Variants in CTNND2 observed in about 807,000 individuals in gnomAD.
CTNND2 encodes catenin delta 2, also known as catenin delta-2.
In CTNND2, 22 loss-of-function variants were observed where a neutral mutation model predicts 144.4. That is an observed-to-expected ratio of 0.15 (90% CI 0.11 to 0.22). The LOEUF is 0.22. CTNND2 is among the 10% of genes least tolerant of loss of function. The probability of loss-of-function intolerance (pLI) is 1.00; values close to 1 mark genes in which losing one functional copy is unlikely to be tolerated. For missense variants in CTNND2, 1,353 were observed against 1,618.8 expected (o/e 0.84, Z 2.82); for synonymous variants, 751 against 695.6 (o/e 1.08, Z -1.25).
intron 6 of CTNND2, among the ~76,000 whole-genome samples, chr5:11,386,397 A>G (rs1759092916): frequency 6.6e-6 from 1 of 152,188 alleles, no homozygotes; most frequent in Non-Finnish European, 1.5e-5. Flanking sequence ...AAAAGTTTCA[A>G]TTATGCCTCT....
chr5:11,691,707 C>A (rs189291550), intron 2 of CTNND2, among the ~76,000 whole-genome samples: 3 of 152,020 alleles, frequency 2.0e-5, no homozygotes, highest in Non-Finnish European at 4.4e-5. Flanking sequence ...GAGTTTAAGA[C>A]CAGCCCTGGC....
intron 3 of CTNND2, among the ~76,000 whole-genome samples, chr5:11,428,974 CCTTAA>C (rs58133792): frequency 0.012 from 1,838 of 152,186 alleles, 20 homozygotes; most frequent in Middle Eastern, 0.02. Flanking sequence ...AACAATGAAA[CCTTAA>C]CTTATATTTT....
intron 10 of CTNND2, among the ~76,000 whole-genome samples, chr5:11,226,172 G>A (rs893315162): frequency 2.6e-5 from 4 of 152,134 alleles, no homozygotes; most frequent in African/African-American, 7.2e-5. Flanking sequence ...GTGGCACTTG[G>A]TTCCCACAGC....
intron 1 of CTNND2, among the ~76,000 whole-genome samples, chr5:11,773,574 G>C (rs543017530): frequency 2.0e-5 from 3 of 152,296 alleles, no homozygotes; most frequent in South Asian, 2.1e-4. Flanking sequence ...AGTACACTGG[G>C]AGGCTAAGGC....
chr5:11,748,185 A>AAAAGAAT (rs6148910), intron 1 of CTNND2, among the ~76,000 whole-genome samples: 1 of 151,986 alleles, frequency 6.6e-6, no homozygotes, highest in African/African-American at 2.4e-5. Context: ...TGCTGACCTT[A>AAAAGAAT]AGAAAACAAA....
intron 10 of CTNND2, among the ~76,000 whole-genome samples, chr5:11,207,884 G>C (rs1214731461): frequency 6.6e-6 from 1 of 151,884 alleles, no homozygotes; most frequent in Non-Finnish European, 1.5e-5. Flanking sequence ...GGTCAATAGA[G>C]TAAAACTAAA....
intron 16 of CTNND2, among the ~76,000 whole-genome samples, chr5:11,064,576 T>A (rs1002650077): frequency 6.6e-6 from 1 of 151,900 alleles, no homozygotes; most frequent in Non-Finnish European, 1.5e-5. Context: ...ACTCTTCACA[T>A]GCAGTAAGGG....
At chr5:11,247,014 C>G (rs1743074726) in intron 9 of CTNND2, among the ~76,000 whole-genome samples, 2 of 152,214 alleles carry the variant, frequency 1.3e-5, no homozygotes, top group African/African-American at 4.8e-5. Flanking sequence ...ACGCTGGGAT[C>G]TGACTCACAT....
chr5:11,069,769 T>C lies in CTNND2; in HGVS notation c.2788+12927A>G, dbSNP rs182760200. Among the ~76,000 whole-genome samples the C allele has an allele frequency of 5.9e-5, 9 of 152,300 alleles. No individual in the cohort carries two copies. In the East Asian group the frequency reaches 1.5e-3, roughly 26 times the overall value. Reference sequence around the variant, plus strand: ...CAGAAAACTGATAACTGGGCAATAGTATACGGAGTATAGAGAAATCTTTGG... The same window carrying C: ...CAGAAAACTGATAACTGGGCAATAGCATACGGAGTATAGAGAAATCTTTGG... On this transcript the variant is annotated intron_variant, in intron 16 of 21. Coordinates refer to ENST00000304623, the MANE Select transcript of CTNND2 (RefSeq NM_001332.4).
intron 3 of CTNND2, among the ~76,000 whole-genome samples, chr5:11,564,495 C>T (rs554724430): frequency 7.9e-5 from 12 of 152,156 alleles, no homozygotes; most frequent in East Asian, 3.9e-4. Context: ...GGGAACTGCA[C>T]GTGTGGTTGA....
intron 3 of CTNND2, among the ~76,000 whole-genome samples, chr5:11,470,454 A>C (rs1767084686): frequency 6.6e-6 from 1 of 152,120 alleles, no homozygotes; most frequent in South Asian, 2.1e-4. Context: ...AAAATTGAGA[A>C]GATAGTACAG....
At chr5:11,872,802 T>C (rs1735256983) in intron 1 of CTNND2, among the ~76,000 whole-genome samples, 1 of 152,178 alleles carries the variant, frequency 6.6e-6, no homozygotes, top group African/African-American at 2.4e-5. Context: ...GCTAGCCATA[T>C]GCAGAAAACT....
intron 1 of CTNND2, among the ~76,000 whole-genome samples, chr5:11,745,707 T>C (rs770152719): frequency 7.2e-5 from 11 of 152,184 alleles, no homozygotes; most frequent in Non-Finnish European, 1.5e-4. Context: ...ATGCCTGCAA[T>C]ATTACCTCCT....
chr5:11,230,139 T>C (rs1580651807), intron 10 of CTNND2, among the ~76,000 whole-genome samples: 1 of 142,436 alleles, frequency 7.0e-6, no homozygotes, highest in African/African-American at 2.6e-5. Context: ...ACACCACATA[T>C]TCTCACTCAT....
intron 5 of CTNND2, among the ~76,000 whole-genome samples, chr5:11,411,233 TAA>T (rs1263540367): frequency 6.6e-6 from 1 of 152,176 alleles, no homozygotes; most frequent in East Asian, 1.9e-4. Flanking sequence ...GATGAGTTCA[TAA>T]AATGCAGTAG....
chr5:11,742,415 A>G (rs1181738610), intron 1 of CTNND2, among the ~76,000 whole-genome samples: 4 of 152,102 alleles, frequency 2.6e-5, no homozygotes, highest in Non-Finnish European at 2.9e-5. Context: ...CCCTCACACC[A>G]AACAAACAAG....
chr5:11,746,293 G>C (rs530255282), intron 1 of CTNND2, among the ~76,000 whole-genome samples: 26 of 152,242 alleles, frequency 1.7e-4, no homozygotes, highest in Middle Eastern at 6.8e-3. Context: ...TTTGTTGGCT[G>C]CCAAACTCCC....
intron 9 of CTNND2, among the ~76,000 whole-genome samples, chr5:11,304,911 G>A (rs976955128): frequency 1.2e-4 from 19 of 152,118 alleles, no homozygotes; most frequent in Admixed American, 5.2e-4. Flanking sequence ...TAAGAAGCAC[G>A]TTATCCCAAG....
chr5:11,235,274 G>T (rs745997596), intron 10 of CTNND2, among the ~76,000 whole-genome samples: 6 of 152,150 alleles, frequency 3.9e-5, no homozygotes, highest in Non-Finnish European at 8.8e-5. Flanking sequence ...TCAAAAAAGA[G>T]AAAAGTTATG....
Sources: gnomAD v4.1 joint callset for allele counts (sites outside exome capture counted in the v4.1 genomes callset) on GRCh38, gnomAD v4.1.1 for gene constraint, MANE v1.5 for transcripts, NCBI Gene and HGNC (gene_info 2026-07-23, HGNC 2026-07-21) for gene names.